Variants in MBNL1 observed in about 807,000 individuals in gnomAD.
MBNL1 encodes muscleblind-like protein 1.
MBNL1 carries 8 observed loss-of-function variants against 42.2 expected under a neutral mutation model. That is an observed-to-expected ratio of 0.19 (90% confidence interval 0.11 to 0.34). MBNL1 has a LOEUF of 0.34. Among genes scored for constraint, MBNL1 ranks in the 10% least tolerant of loss-of-function variants. The pLI, the probability that MBNL1 is intolerant of heterozygous loss-of-function variation, is 1.00. For missense variants in MBNL1, 309 were observed against 495.3 expected (o/e 0.62, Z 3.57); for synonymous variants, 169 against 173.9 (o/e 0.97, Z 0.22).
intron 2 of MBNL1, among the ~76,000 whole-genome samples, chr3:152,353,602 A>G (rs868403154): frequency 1.3e-5 from 2 of 151,896 alleles, no homozygotes; most frequent in Non-Finnish European, 2.9e-5. Context: ...TAAATTCTAT[A>G]CTAATTATCA....
chr3:152,390,832 G>A (rs1319487824), intron 2 of MBNL1, among the ~76,000 whole-genome samples: 1 of 152,226 alleles, frequency 6.6e-6, no homozygotes, highest in Admixed American at 6.5e-5. Context: ...TTGCCCTAAA[G>A]ACTGCAGAGT....
intron 2 of MBNL1, among the ~76,000 whole-genome samples, chr3:152,317,622 T>G (rs1304514017): frequency 6.6e-6 from 1 of 152,162 alleles, no homozygotes; most frequent in Non-Finnish European, 1.5e-5. Flanking sequence ...GCCTGGCCTA[T>G]TTTTTGTTTT....
chr3:152,334,626 A>C (rs545195507), intron 2 of MBNL1, among the ~76,000 whole-genome samples: 4 of 152,200 alleles, frequency 2.6e-5, no homozygotes, highest in South Asian at 2.1e-4. Context: ...CTGTGCCAAG[A>C]TGGCAGATAG....
intron 1 of MBNL1, among the ~76,000 whole-genome samples, chr3:152,271,880 T>A (rs1192834020): frequency 6.6e-6 from 1 of 152,114 alleles, no homozygotes; most frequent in Non-Finnish European, 1.5e-5. Flanking sequence ...TTGTCCAGAT[T>A]GAGAAGTGTA....
intron 2 of MBNL1, among the ~76,000 whole-genome samples, chr3:152,368,396 C>G (rs1407736527): frequency 6.6e-6 from 1 of 152,128 alleles, no homozygotes; most frequent in Non-Finnish European, 1.5e-5. Flanking sequence ...CAGTACCATG[C>G]TGTTTTGGTT....
chr3:152,370,391 A>G (rs1031527297), intron 2 of MBNL1, among the ~76,000 whole-genome samples: 1 of 152,154 alleles, frequency 6.6e-6, no homozygotes, highest in Admixed American at 6.5e-5. Context: ...GTTCTTTTGC[A>G]CTTGCTGAGG....
chr3:152,287,607 T>G (rs1235605901), intron 1 of MBNL1, among the ~76,000 whole-genome samples: 1 of 152,224 alleles, frequency 6.6e-6, no homozygotes, highest in Admixed American at 6.5e-5. Flanking sequence ...TATATATTTT[T>G]AATAGTTACC....
rs576707599 is a variant in MBNL1 at position 152,316,560 on chromosome 3, A to G, written c.174+16193A>G. Among the ~76,000 whole-genome samples the G allele has an allele frequency of 2.6e-3, 400 of 152,186 alleles. 1 individual carries two copies. Among genetic ancestry groups the G allele is most frequent in the South Asian group, 8.7e-3 (42 of 4,814 alleles). ...ATTCTCTCACCCCACTGCTTGCTCT[A>G]TCACCTAGACCTTCATGCTCCATCA... On this transcript the variant is annotated intron_variant, in intron 2 of 9. Transcript: ENST00000324210.
At chr3:152,392,601 A>G (rs2097767672) in intron 2 of MBNL1, among the ~76,000 whole-genome samples, 1 of 152,242 alleles carries the variant, frequency 6.6e-6, no homozygotes. Context: ...TGAATAATAC[A>G]TGTCTGTTTT....
intron 4 of MBNL1, 105 bp downstream of exon 4, chr3:152,433,025 A>G: frequency 9.6e-7 from 1 of 1,042,982 alleles, no homozygotes; most frequent in Non-Finnish European, 1.4e-6. Context: ...TAAAAATTTT[A>G]AAACAGATTT....
chr3:152,351,368 AT>A (rs1348528379), intron 2 of MBNL1, among the ~76,000 whole-genome samples: 7 of 152,162 alleles, frequency 4.6e-5, no homozygotes, highest in African/African-American at 1.2e-4. Context: ...GTTGGATTGC[AT>A]TTTCTGATTC....
At chr3:152,451,152 A>G (rs948436002) in intron 6 of MBNL1, among the ~76,000 whole-genome samples, 1 of 152,184 alleles carries the variant, frequency 6.6e-6, no homozygotes, top group Non-Finnish European at 1.5e-5. Context: ...TGTTGTTTCA[A>G]TGATAACTTC....
At chr3:152,389,565 A>G (rs2097588214) in intron 2 of MBNL1, among the ~76,000 whole-genome samples, 1 of 152,176 alleles carries the variant, frequency 6.6e-6, no homozygotes, top group South Asian at 2.1e-4. Context: ...GGAAACCTGT[A>G]CTGCGTGTAA....
intron 1 of MBNL1, among the ~76,000 whole-genome samples, chr3:152,295,588 A>AAGATG (rs2058218833): frequency 6.6e-6 from 1 of 152,208 alleles, no homozygotes; most frequent in Non-Finnish European, 1.5e-5. Flanking sequence ...CTGGACCTAC[A>AAGATG]CCCTGTTGTC....
chr3:152,379,612 G>C (rs1480249440), intron 2 of MBNL1, among the ~76,000 whole-genome samples: 2 of 152,098 alleles, frequency 1.3e-5, no homozygotes, highest in African/African-American at 4.8e-5. Flanking sequence ...TCTGAATATT[G>C]ATATGTTTTT....
intron 2 of MBNL1, among the ~76,000 whole-genome samples, chr3:152,245,666 T>C (rs191003598): frequency 6.6e-6 from 1 of 152,368 alleles, no homozygotes; most frequent in East Asian, 1.9e-4. Context: ...TTACTGGTTC[T>C]AGTATGTTAC....
At chr3:152,365,739 A>G (rs2096317409) in intron 2 of MBNL1, among the ~76,000 whole-genome samples, 1 of 152,186 alleles carries the variant, frequency 6.6e-6, no homozygotes, top group Admixed American at 6.5e-5. Context: ...ATGCAATTCT[A>G]TTAAACATCT....
chr3:152,407,693 T>C, intron 2 of MBNL1, among the ~76,000 whole-genome samples: 1 of 152,098 alleles, frequency 6.6e-6, no homozygotes, highest in South Asian at 2.1e-4. Flanking sequence ...ATAGAAAAAT[T>C]AGTGTTACTA....
rs949120983 is a variant in MBNL1 at position 152,364,292 on chromosome 3, A to G, written c.175-50649A>G. Among the ~76,000 whole-genome samples the G allele has an allele frequency of 5.9e-5, 9 of 152,232 alleles. No individual in the cohort carries two copies. The South Asian group carries it at 1.9e-3, about 32-fold the overall frequency. ...CAAGACATCTGTACACAATGTAGCT[A>G]TAGTGTGATTTACAATAACTTTGTG... On this transcript the variant is annotated intron_variant, in intron 2 of 9. Transcript: ENST00000324210.
Sources: allele counts gnomAD v4.1 joint callset (sites outside exome capture counted in the v4.1 genomes callset), GRCh38; gene constraint gnomAD v4.1.1; transcripts MANE v1.5; gene names NCBI Gene and HGNC (gene_info 2026-07-23, HGNC 2026-07-21).